FHIP1A: variants seen among roughly 807,000 people sequenced by gnomAD.
FHIP1A encodes FHF complex subunit HOOK interacting protein 1A.
In FHIP1A, 61 loss-of-function variants were observed where a neutral mutation model predicts 88.6. That is an observed-to-expected ratio of 0.69 (90% confidence interval 0.56 to 0.85). The LOEUF is 0.85. FHIP1A is among the 40% of genes least tolerant of loss of function. The pLI, the probability that FHIP1A is intolerant of heterozygous loss-of-function variation, is 0.00. For synonymous variants in FHIP1A, 478 were observed against 496.0 expected, an observed-to-expected ratio of 0.96 and a Z score of 0.48; for missense variants, 1,154 against 1,273.5, an observed-to-expected ratio of 0.91 and a Z score of 1.43.
intron 10 of FHIP1A, among the ~76,000 whole-genome samples, chr4:151,648,803 C>A (rs1460278465): frequency 6.6e-6 from 1 of 151,270 alleles, no homozygotes; most frequent in Non-Finnish European, 1.5e-5. Context: ...AAAATGTAAA[C>A]TCATAGGAAG....
intron 2 of FHIP1A, among the ~76,000 whole-genome samples, chr4:151,467,447 C>T (rs1729359614): frequency 6.6e-6 from 1 of 152,100 alleles, no homozygotes; most frequent in East Asian, 1.9e-4. Context: ...CCAGAAATAC[C>T]ATTTGACCCA....
intron 7 of FHIP1A, among the ~76,000 whole-genome samples, chr4:151,603,397 T>C (rs1472535985): frequency 6.6e-6 from 1 of 152,146 alleles, no homozygotes; most frequent in Admixed American, 6.5e-5. Context: ...GTTTCCTCTT[T>C]TCCCCCTTTG....
chr4:151,512,564 G>T (rs1192305433), intron 3 of FHIP1A, among the ~76,000 whole-genome samples: 1 of 152,198 alleles, frequency 6.6e-6, no homozygotes, highest in Admixed American at 6.5e-5. Context: ...AAAAAATTTA[G>T]ACGACTGTAT....
Position 151,419,568 on chromosome 4 carries a change from C to CTTTT in FHIP1A, c.-356+10134_-356+10137dup, listed in dbSNP as rs70941499. ...CTGCCATGCTGGTCTGTTCCTCATT[C>CTTTT]TTTTTTTTTTTTTTTTTTTTTTTTT... is the stretch of plus-strand genomic sequence containing the variant. On this transcript the variant is annotated intron_variant, in intron 1 of 13. Transcript: ENST00000435205. Among the ~76,000 whole-genome samples, 109 of 21,982 alleles carry CTTTT rather than the reference C, an allele frequency of 5.0e-3. 2 individuals are homozygous for CTTTT. The highest frequency in any genetic ancestry group is 7.2e-3 in the Admixed American group (12 of 1,668). 14.4% of individuals were successfully genotyped at this position (21,982 alleles called of 152,430 possible). A position where few individuals can be genotyped will look rare whatever the true frequency, so the allele number is the denominator to read the frequency against.
chr4:151,619,334 A>G (rs1265688646), intron 7 of FHIP1A, among the ~76,000 whole-genome samples: 1 of 152,238 alleles, frequency 6.6e-6, no homozygotes, highest in African/African-American at 2.4e-5. Context: ...AGTTAACAGA[A>G]AAGCTAATAG....
At chr4:151,464,831 A>G (rs1395237837) in intron 2 of FHIP1A, among the ~76,000 whole-genome samples, 1 of 152,142 alleles carries the variant, frequency 6.6e-6, no homozygotes, top group Admixed American at 6.5e-5. Context: ...TAGATGAGAT[A>G]GGCTCTAATT....
chr4:151,498,014 C>G (rs565742798), intron 3 of FHIP1A, among the ~76,000 whole-genome samples: 2 of 152,242 alleles, frequency 1.3e-5, no homozygotes, highest in East Asian at 3.9e-4. Context: ...CAAGAATCCC[C>G]CTACCCTCAA....
intron 2 of FHIP1A, among the ~76,000 whole-genome samples, chr4:151,466,452 G>A (rs1051692170): frequency 7.2e-5 from 11 of 152,148 alleles, no homozygotes; most frequent in Admixed American, 2.6e-4. Flanking sequence ...AACTACCCTT[G>A]ACTTTCTTCA....
intron 9 of FHIP1A, 86 bp from the exon 10 acceptor site, chr4:151,646,471 CA>C: frequency 1.1e-6 from 1 of 885,296 alleles, no homozygotes; most frequent in South Asian, 1.7e-5. Context: ...CCCCTGGCCA[CA>C]AGGAGTCCCT....
chr4:151,629,559 A>G (rs919364843), intron 7 of FHIP1A, 143 bp from the exon 8 acceptor site: 44 of 633,590 alleles, frequency 6.9e-5, no homozygotes, highest in East Asian at 1.4e-4. Context: ...ATGGGCTTCA[A>G]TAAAGCTCTG....
intron 7 of FHIP1A, among the ~76,000 whole-genome samples, chr4:151,622,057 G>C (rs1224843926): frequency 6.6e-6 from 1 of 152,182 alleles, no homozygotes; most frequent in African/African-American, 2.4e-5. Context: ...TGAGTACCTG[G>C]TGGTGCATCA....
At chr4:151,649,306 C>G (rs943731164) in intron 10 of FHIP1A, among the ~76,000 whole-genome samples, 153 bp from the exon 11 acceptor site, 1 of 152,190 alleles carries the variant, frequency 6.6e-6, no homozygotes, top group Non-Finnish European at 1.5e-5. Flanking sequence ...TTCTTACAAT[C>G]TAACCATATT....
intron 1 of FHIP1A, among the ~76,000 whole-genome samples, chr4:151,418,804 C>G (rs1251713968): frequency 6.6e-6 from 1 of 152,168 alleles, no homozygotes; most frequent in Admixed American, 6.5e-5. Context: ...AATTGCCTAC[C>G]AGAGCACCTT....
chr4:151,518,760 A>G (rs1417155554), intron 3 of FHIP1A, among the ~76,000 whole-genome samples: 1 of 151,248 alleles, frequency 6.6e-6, no homozygotes, highest in Non-Finnish European at 1.5e-5. Context: ...CCTGAGCTCA[A>G]GTGATCCTCA....
Position 151,543,573 on chromosome 4 carries a change from A to T in FHIP1A, c.-122-22565A>T, listed in dbSNP as rs1732377164. Among the ~76,000 whole-genome samples the T allele has an allele frequency of 3.3e-5, 5 of 152,310 alleles. No individual in the cohort carries two copies. In the South Asian group the frequency reaches 1.0e-3, roughly 32 times the overall value. Reference sequence around the variant, plus strand: ...ATTCACAGGTTATCTGTGTTCCTGAACTTATTTGTAAATATTATACATATA... The same window carrying T: ...ATTCACAGGTTATCTGTGTTCCTGATCTTATTTGTAAATATTATACATATA... On this transcript the variant is annotated intron_variant, in intron 3 of 13. Transcript: ENST00000435205.
intron 2 of FHIP1A, among the ~76,000 whole-genome samples, chr4:151,457,161 C>T (rs1429461963): frequency 6.6e-6 from 1 of 151,958 alleles, no homozygotes; most frequent in South Asian, 2.1e-4. Flanking sequence ...GTTTTTTTCC[C>T]CATAAATGAT....
chr4:151,484,645 CA>C (rs1276849655), intron 3 of FHIP1A, among the ~76,000 whole-genome samples: 1 of 152,186 alleles, frequency 6.6e-6, no homozygotes, highest in Non-Finnish European at 1.5e-5. Flanking sequence ...AGCTTGAAGA[CA>C]GTATGATGCA....
In FHIP1A at chr4:151,517,294, A is replaced by G. The variant is rs189541005; in HGVS notation, c.-123+34646A>G. 1.6e-3 allele frequency among the ~76,000 whole-genome samples: 242 copies of G among 151,204 alleles called. 1 individual carries two copies. The highest frequency in any genetic ancestry group is 5.7e-3 in the African/African-American group (233 of 41,156). On this transcript the variant is annotated intron_variant, in intron 3 of 13. Coordinates refer to ENST00000435205, the MANE Select transcript of FHIP1A (RefSeq NM_001109977.3). ...AGGAAGGGGAACATCACATCTGGGG[A>G]CTGTTGTGGGGTTGGGGGAGGGGGG... is the stretch of plus-strand genomic sequence containing the variant.
intron 3 of FHIP1A, among the ~76,000 whole-genome samples, chr4:151,507,995 A>G (rs1730895149): frequency 6.6e-6 from 1 of 152,250 alleles, no homozygotes; most frequent in African/African-American, 2.4e-5. Context: ...AAGATAGAAT[A>G]TAGAATGAAA....
Sources: gnomAD v4.1 joint callset for allele counts (sites outside exome capture counted in the v4.1 genomes callset) on GRCh38, gnomAD v4.1.1 for gene constraint, MANE v1.5 for transcripts, NCBI Gene and HGNC (gene_info 2026-07-23, HGNC 2026-07-21) for gene names.